SLC4A11: variants seen among roughly 807,000 people sequenced by gnomAD.
The protein encoded by SLC4A11 is solute carrier family 4 member 11, also known as bicarbonate transporter related protein 1.
A neutral mutation model predicts 95.0 loss-of-function variants in SLC4A11; 74 were observed. That is an observed-to-expected ratio of 0.78 (90% CI 0.65 to 0.95). The LOEUF is 0.95. Among genes scored for constraint, SLC4A11 ranks in the 40% least tolerant of loss-of-function variants. SLC4A11 has a pLI of 0.00. For missense variants in SLC4A11, 1,081 were observed against 1,192.4 expected, an observed-to-expected ratio of 0.91 and a Z score of 1.38; for synonymous variants, 548 against 519.0, an observed-to-expected ratio of 1.06 and a Z score of -0.76.
chr20:3,227,917 TCCCA>T, intron 19 of SLC4A11, 61 bp from the exon 20 acceptor site: 1 of 1,488,446 alleles, frequency 6.7e-7, no homozygotes, highest in Non-Finnish European at 9.1e-7. Context: ...TGGACACCCA[TCCCA>T]GCCCACCCCA....
At chr20:3,237,884 T>G (rs2068035188) in intron 1 of SLC4A11, 1 of 1,550,820 alleles carries the variant, frequency 6.4e-7, no homozygotes, top group Non-Finnish European at 8.7e-7. Context: ...ACCGAGTTAG[T>G]ACCAGTACCA....
rs1361076430 is a variant in SLC4A11, at chr20:3,229,161, A to C, written c.1952T>G (p.Leu651Arg). The C allele has an allele frequency of 6.2e-7, 1 of 1,611,506 alleles. No individual in the cohort carries two copies. The highest frequency in any genetic ancestry group is 8.5e-7 in the Non-Finnish European group (1 of 1,179,842). Residue 651 changes from leucine (L) to arginine (R), a missense_variant, in exon 16 of 20, where the codon CTG (leucine) becomes CGG (arginine). Leu to Arg is a moderately radical substitution (Grantham distance 102). Transcript: ENST00000642402. Reference sequence around the variant, plus strand: ...CTCGATGAAGAAGAGCATGGACAGCAGGAAGCCGAGGCCCATGGCACCGCT... The same window carrying C: ...CTCGATGAAGAAGAGCATGGACAGCCGGAAGCCGAGGCCCATGGCACCGCT... ...AVSGAMGLGF[L>R]LSMLFFIEQN...
At chr20:3,229,060 G>GGGGCCCCCCCCCCCCCCCCC in intron 16 of SLC4A11, 35 bp downstream of exon 16, 3 of 1,542,054 alleles carry the variant, frequency 1.9e-6, no homozygotes, top group Non-Finnish European at 2.6e-6. Context: ...AGAGGCCCGG[G>GGGGCCCCCCCCCCCCCCCCC]CCCCGCCCAC....
In SLC4A11 at chr20:3,229,329, G is replaced by A. The variant is rs371463437; in HGVS notation, c.1849+17C>T. On this transcript the variant is annotated intron_variant, in intron 15 of 19. Transcript: ENST00000642402. Reference sequence around the variant, plus strand: ...GGGGAGCTACCCCACGTCACCCACCGCCCGGCCCCAACTCACTCTCGATTT... The same window carrying A: ...GGGGAGCTACCCCACGTCACCCACCACCCGGCCCCAACTCACTCTCGATTT... 2.3e-5 allele frequency: 37 copies of A among 1,613,068 alleles called. No individual in the cohort carries two copies. The highest frequency in any genetic ancestry group is 2.0e-4 in the African/African-American group (15 of 75,028).
intron 1 of SLC4A11, 177 bp from the exon 2 acceptor site, chr20:3,237,765 C>T (rs1397519688): frequency 4.3e-6 from 7 of 1,611,934 alleles, no homozygotes; most frequent in Non-Finnish European, 5.9e-6. Context: ...GGCCCCATAG[C>T]AGGGGAAGCC....
At chr20:3,238,481 G>A (rs965186635) in intron 1 of SLC4A11, 192 of 1,012,784 alleles carry the variant, frequency 1.9e-4, no homozygotes, top group Non-Finnish European at 2.2e-4. Flanking sequence ...GGGTCTGGGA[G>A]GGTTGGGCCG....
At chr20:3,230,677 C>A in intron 11 of SLC4A11, 30 bp from the exon 12 acceptor site, 1 of 1,613,016 alleles carries the variant, frequency 6.2e-7, no homozygotes, top group Non-Finnish European at 8.5e-7. Flanking sequence ...CGGGTCAGGG[C>A]CCGGCAGGAA....
intron 7 of SLC4A11, among the ~76,000 whole-genome samples, chr20:3,233,102 A>C (rs552004341): frequency 1.3e-5 from 2 of 152,234 alleles, no homozygotes; most frequent in East Asian, 3.9e-4. Context: ...CTTTTCCTTA[A>C]AAGACTCCCG....
upstream of SLC4A11, chr20:3,239,492 G>A: frequency 1.1e-5 from 11 of 1,006,768 alleles, no homozygotes; most frequent in Non-Finnish European, 1.3e-5. Context: ...GGACGGGGCC[G>A]GGGAGCTTCT....
rs528215729 is a variant in SLC4A11 at position 3,231,799 on chromosome 20, C to T, written c.730-251G>A. Reference sequence around the variant, plus strand: ...CCCTGAGTAGCTGGGACCACAGGCACGCACCACCATGCCAGGCAATTTTTA... The same window carrying T: ...CCCTGAGTAGCTGGGACCACAGGCATGCACCACCATGCCAGGCAATTTTTA... On this transcript the variant is annotated intron_variant, in intron 7 of 19. Transcript: ENST00000642402. This position sits in a 1 kb window ranked among gnomAD's most constrained non-coding sequence, Gnocchi z 5.2. Among the ~76,000 whole-genome samples, 5 of 152,250 alleles carry T rather than the reference C, an allele frequency of 3.3e-5. No homozygotes were observed. Among genetic ancestry groups the T allele is most frequent in the Admixed American group, 1.3e-4 (2 of 15,296 alleles).
In SLC4A11 at chr20:3,230,217, C is replaced by T; in HGVS notation, c.1459G>A (p.Val487Met). Residue 487 changes from valine to methionine, a missense_variant, in exon 13 of 20, where the codon GTG becomes ATG. Val to Met is a conservative substitution (Grantham distance 21). Transcript: ENST00000642402. ...IIALFISITF[V>M]LDAVKGTVKI... ...ACCGTGCCCTTGACGGCATCCAGCACAAACGTGATGGAAATGAAGAGGGCG... is the reference window on the plus strand; with the variant it reads ...ACCGTGCCCTTGACGGCATCCAGCATAAACGTGATGGAAATGAAGAGGGCG... 1 of 1,613,624 alleles carries T rather than the reference C, an allele frequency of 6.2e-7. No individual in the cohort carries two copies. The highest frequency in any genetic ancestry group is 8.5e-7 in the Non-Finnish European group (1 of 1,180,024).
rs1403707205 is a variant in SLC4A11, at chr20:3,228,497, G to A, written c.2388+15C>T. 4 of 1,612,966 alleles carry A rather than the reference G, an allele frequency of 2.5e-6. No homozygotes were observed. Among genetic ancestry groups the A allele is most frequent in the Admixed American group, 1.7e-5 (1 of 59,996 alleles). On this transcript the variant is annotated intron_variant, in intron 18 of 19. Transcript: ENST00000642402. ...TCCCCACCCACGCCACTCCCTCGCA[G>A]GGCCAAGCGCTCACCTGCTCCTTGA...
At chr20:3,238,297 C>T (rs1374270297) in intron 1 of SLC4A11, 8 of 1,196,140 alleles carry the variant, frequency 6.7e-6, no homozygotes, top group East Asian at 7.2e-5. Flanking sequence ...GCCTCGCTGT[C>T]GGAGGAAGGA....
chr20:3,238,266 C>G, intron 1 of SLC4A11: 1 of 1,287,682 alleles, frequency 7.8e-7, no homozygotes, highest in Non-Finnish European at 9.8e-7. Context: ...GGCCGGTCCC[C>G]GGATGGTCCC....
intron 13 of SLC4A11, 24 bp from the exon 14 acceptor site, chr20:3,229,800 T>C (rs2067691753): frequency 1.2e-6 from 2 of 1,613,496 alleles, no homozygotes; most frequent in South Asian, 1.1e-5. Flanking sequence ...CCCACAGGCC[T>C]CAGCCCTCTC....
intron 1 of SLC4A11, chr20:3,237,829 G>A: frequency 6.4e-7 from 1 of 1,562,910 alleles, no homozygotes; most frequent in African/African-American, 1.4e-5. Flanking sequence ...GGCTGCCCAG[G>A]CGGGCCAGAG....
chr20:3,239,332 C>G (rs2068085101), upstream of SLC4A11: 4 of 1,143,922 alleles, frequency 3.5e-6, no homozygotes, highest in Non-Finnish European at 4.3e-6. Context: ...CCCGGCCGCC[C>G]GCCCCGCGCC....
intron 7 of SLC4A11, among the ~76,000 whole-genome samples, chr20:3,232,707 T>A (rs1415180222): frequency 6.6e-6 from 1 of 152,202 alleles, no homozygotes; most frequent in South Asian, 2.1e-4. Flanking sequence ...AGTGAGACTC[T>A]GTCTCAAAGA....
rs1358578659 is a variant in SLC4A11 at position 3,230,617 on chromosome 20, A to C, written c.1313T>G (p.Leu438Arg). ...VIRVICDDYD[L>R]DFNSFYAWTG... ...CCATGCGTAGAAGGAGTTGAAGTCC[A>C]GGTCATAGTCATCACAGATGACACG... Residue 438 changes from leucine to arginine, a missense_variant, in exon 12 of 20, where the codon CTG becomes CGG. Around this residue, in one of 3 missense-constraint regions of SLC4A11, gnomAD observed 767 missense variants for 858.0 expected, o/e 0.89. Coordinates refer to ENST00000642402, the MANE Select transcript of SLC4A11 (RefSeq NM_001174089.2). The C allele has an allele frequency of 6.2e-7, 1 of 1,613,752 alleles. No individual in the cohort carries two copies. The highest frequency in any genetic ancestry group is 1.7e-5 in the Admixed American group (1 of 60,034).
Sources: gnomAD v4.1 joint callset for allele counts (sites outside exome capture counted in the v4.1 genomes callset) on GRCh38, gnomAD v4.1.1 for gene constraint, gnomAD v4.1.1 regional missense constraint, Gnocchi (gnomAD v3.1) non-coding constraint, MANE v1.5 for transcripts, NCBI Gene and HGNC (gene_info 2026-07-23, HGNC 2026-07-21) for gene names.